Variants in CDH20 observed in about 807,000 individuals in gnomAD.
CDH20 encodes cadherin 20.
Under a neutral mutation model 74.2 loss-of-function variants are expected in CDH20, and 29 were observed. The observed-to-expected ratio is 0.39, with a 90% CI of 0.29 to 0.53. The LOEUF (loss-of-function observed/expected upper bound fraction) is 0.53, where lower values mean the gene tolerates loss of function less well. Ranked by LOEUF, CDH20 falls within the 20% of genes least tolerant of loss-of-function variation. The probability of loss-of-function intolerance (pLI) is 0.69; values close to 1 mark genes in which losing one functional copy is unlikely to be tolerated. For synonymous variants in CDH20, 469 were observed against 405.4 expected (o/e 1.16, Z -1.88); for missense variants, 988 against 1,048.3 (o/e 0.94, Z 0.79).
At chr18:61,424,846 G>T (rs549376226) in intron 1 of CDH20, among the ~76,000 whole-genome samples, 1 of 151,860 alleles carries the variant, frequency 6.6e-6, no homozygotes, top group African/African-American at 2.4e-5. Flanking sequence ...TAAGAACCTA[G>T]CCCTGGGCCA....
At chr18:61,419,439 A>C (rs2043190816) in intron 1 of CDH20, among the ~76,000 whole-genome samples, 1 of 152,188 alleles carries the variant, frequency 6.6e-6, no homozygotes. Flanking sequence ...ATTTGTGTAC[A>C]AAAGTTTTCA....
intron 7 of CDH20, among the ~76,000 whole-genome samples, chr18:61,531,613 A>G (rs1040316972): frequency 3.3e-5 from 5 of 152,226 alleles, no homozygotes; most frequent in Non-Finnish European, 7.3e-5. Flanking sequence ...TCTTTATTAA[A>G]AAGGCAACTA....
At position 61,380,703 on chromosome 18, in the gene CDH20, G is replaced by A. The variant is rs568251654; in HGVS notation, c.-153+46876G>A. Among the ~76,000 whole-genome samples the A allele has an allele frequency of 2.0e-5, 3 of 152,284 alleles. No individual in the cohort carries two copies. The East Asian group carries it at 5.8e-4, about 29-fold the overall frequency. ...ACATGCCTGTAATCCCAGCTACTTG[G>A]GAGGCTGAGGCAGGAGAATCGCTTG... On this transcript the variant is annotated intron_variant, in intron 1 of 11. Coordinates refer to ENST00000262717, the MANE Select transcript of CDH20 (RefSeq NM_031891.4).
intron 1 of CDH20, among the ~76,000 whole-genome samples, chr18:61,414,517 T>C (rs1161751158): frequency 6.6e-6 from 1 of 152,172 alleles, no homozygotes; most frequent in African/African-American, 2.4e-5. Flanking sequence ...CTCAAATTAA[T>C]ATAGCCTGCA....
chr18:61,533,154 T>A (rs1279574713), intron 7 of CDH20, among the ~76,000 whole-genome samples: 6 of 151,928 alleles, frequency 3.9e-5, no homozygotes, highest in Non-Finnish European at 7.4e-5. Flanking sequence ...ATAAAAAAAA[T>A]TTAATTATCC....
intron 1 of CDH20, among the ~76,000 whole-genome samples, chr18:61,423,371 G>C (rs371534683): frequency 2.7e-5 from 4 of 147,240 alleles, no homozygotes; most frequent in Non-Finnish European, 4.7e-5. Context: ...AAGTGTGTCT[G>C]AGGACTCATG....
intron 1 of CDH20, among the ~76,000 whole-genome samples, chr18:61,406,444 T>C (rs1454873976): frequency 6.6e-6 from 1 of 152,212 alleles, no homozygotes; most frequent in Admixed American, 6.5e-5. Flanking sequence ...GCTTCAGCCA[T>C]AAACAAGACA....
intron 1 of CDH20, among the ~76,000 whole-genome samples, chr18:61,452,145 T>A (rs1241513237): frequency 6.6e-6 from 1 of 152,138 alleles, no homozygotes; most frequent in Non-Finnish European, 1.5e-5. Context: ...ATCTCCTCCT[T>A]CCATTCAGTT....
chr18:61,484,737 C>CCA lies in CDH20; in HGVS notation c.-152-5616_-152-5615dup, dbSNP rs36203080. On this transcript the variant is annotated intron_variant, in intron 1 of 11. Transcript: ENST00000262717. ...TTCTACCAATTTTTTTTGCTCTACT[C>CCA]CACACACACACACACACACACACAC... Among the ~76,000 whole-genome samples, 492 of 146,334 alleles carry CCA rather than the reference C, an allele frequency of 3.4e-3. 5 individuals carry two copies. The highest frequency in any genetic ancestry group is 0.012 in the African/African-American group (470 of 39,210).
At chr18:61,449,034 T>G (rs1040287617) in intron 1 of CDH20, among the ~76,000 whole-genome samples, 1 of 152,158 alleles carries the variant, frequency 6.6e-6, no homozygotes, top group African/African-American at 2.4e-5. Flanking sequence ...GCTTTCAACA[T>G]CATTGCCCCA....
intron 1 of CDH20, among the ~76,000 whole-genome samples, chr18:61,392,070 A>G (rs1911803725): frequency 6.6e-6 from 1 of 151,980 alleles, no homozygotes; most frequent in South Asian, 2.1e-4. Context: ...ATAGCTTACC[A>G]TTGCTCAGAA....
At chr18:61,490,039 G>A (rs140401983) in intron 1 of CDH20, among the ~76,000 whole-genome samples, 2 of 152,082 alleles carry the variant, frequency 1.3e-5, no homozygotes, top group Non-Finnish European at 2.9e-5. Context: ...GTAAATGAAT[G>A]CTGCTTTTAA....
At chr18:61,363,598 C>T (rs1015387148) in intron 1 of CDH20, among the ~76,000 whole-genome samples, 2 of 152,242 alleles carry the variant, frequency 1.3e-5, no homozygotes, top group Non-Finnish European at 1.5e-5. Flanking sequence ...TTTTGTTCTT[C>T]TGGCTGAGAG....
At chr18:61,376,215 T>TA (rs2144168842) in intron 1 of CDH20, among the ~76,000 whole-genome samples, 1 of 152,232 alleles carries the variant, frequency 6.6e-6, no homozygotes, top group Non-Finnish European at 1.5e-5. Flanking sequence ...GCAGCACTAC[T>TA]AAAATCACTT....
intron 7 of CDH20, among the ~76,000 whole-genome samples, chr18:61,534,819 G>A (rs1286385087): frequency 6.6e-6 from 1 of 152,158 alleles, no homozygotes; most frequent in Non-Finnish European, 1.5e-5. Context: ...GCACAGCATG[G>A]TAACTGTAGT....
At position 61,379,368 on chromosome 18, in the gene CDH20, A is replaced by C. The variant is rs181010418; in HGVS notation, c.-153+45541A>C. On this transcript the variant is annotated intron_variant, in intron 1 of 11. Transcript: ENST00000262717. ...GAGAAACTTGTAATGTTGAAATATT[A>C]ATCGCTTTATTGAGGATGCCAAACC... is the stretch of plus-strand genomic sequence containing the variant. 4.3e-3 allele frequency among the ~76,000 whole-genome samples: 659 copies of C among 152,340 alleles called. 11 individuals carry two copies. The highest frequency in any genetic ancestry group is 0.015 in the African/African-American group (633 of 41,574).
chr18:61,415,071 G>T (rs1403834637), intron 1 of CDH20, among the ~76,000 whole-genome samples: 1 of 152,080 alleles, frequency 6.6e-6, no homozygotes, highest in South Asian at 2.1e-4. Context: ...AAGAGGTTTT[G>T]ATGTGATGTG....
chr18:61,396,919 A>G (rs1912000586), intron 1 of CDH20, among the ~76,000 whole-genome samples: 1 of 152,178 alleles, frequency 6.6e-6, no homozygotes, highest in Non-Finnish European at 1.5e-5. Flanking sequence ...CCTCTGAGAC[A>G]TCTCTCATTG....
intron 6 of CDH20, among the ~76,000 whole-genome samples, chr18:61,514,943 C>T (rs1911934334): frequency 6.6e-6 from 1 of 151,484 alleles, no homozygotes; most frequent in South Asian, 2.1e-4. Flanking sequence ...GAGGTTACTG[C>T]TGTCTTTTTG....
Sources: allele counts gnomAD v4.1 joint callset (sites outside exome capture counted in the v4.1 genomes callset), GRCh38; gene constraint gnomAD v4.1.1; transcripts MANE v1.5; gene names NCBI Gene and HGNC (gene_info 2026-07-23, HGNC 2026-07-21).